The following ACTN4 variants were observed in gnomAD, a reference collection of about 807,000 sequenced individuals.
ACTN4 encodes alpha-actinin-4.
ACTN4 carries 18 observed loss-of-function variants against 114.2 expected under a neutral mutation model. The observed-to-expected ratio is 0.16, with a 90% CI of 0.11 to 0.23. The LOEUF (loss-of-function observed/expected upper bound fraction) is 0.23, where lower values mean the gene tolerates loss of function less well. ACTN4 is among the 10% of genes least tolerant of loss of function. The pLI is 1.00. For synonymous variants in ACTN4, 515 were observed against 506.3 expected (o/e 1.02, Z -0.23); for missense variants, 722 against 1,262.9 (o/e 0.57, Z 6.49).
rs997994655 is a variant in ACTN4, at chr19:38,731,386, T to G, written c.*1954T>G. The G allele has an allele frequency of 3.2e-6, 2 of 632,416 alleles. No individual in the cohort carries two copies. Among genetic ancestry groups the G allele is most frequent in the Non-Finnish European group, 5.7e-6 (2 of 348,670 alleles). 39.2% of individuals were successfully genotyped at this position (632,416 alleles called of 1,614,324 possible). A position where few individuals can be genotyped will look rare whatever the true frequency, so the allele number is the denominator to read the frequency against. On this transcript the variant is annotated 3_prime_UTR_variant, in exon 21 of 21. Coordinates refer to ENST00000252699, the MANE Select transcript of ACTN4 (RefSeq NM_004924.6). ...GTACAGGCTGATCCCTTCAATCCTC[T>G]GGGCCTGTTTCCTCATCCATCAAAC...
intron 1 of ACTN4, among the ~76,000 whole-genome samples, chr19:38,668,064 A>G (rs1169349193): frequency 2.6e-5 from 4 of 152,174 alleles, no homozygotes; most frequent in African/African-American, 9.7e-5. Context: ...ACCCTGGGTG[A>G]TTACTCAGAT....
intron 1 of ACTN4, among the ~76,000 whole-genome samples, chr19:38,678,296 C>T (rs547214155): frequency 1.3e-5 from 2 of 152,108 alleles, no homozygotes; most frequent in East Asian, 3.9e-4. Context: ...AAATTGCTAC[C>T]TGCAGGTAAA....
At chr19:38,673,551 A>ATATATT (rs1967229087) in intron 1 of ACTN4, among the ~76,000 whole-genome samples, 1 of 100,818 alleles carries the variant, frequency 9.9e-6, no homozygotes. Flanking sequence ...ATATATTTAT[A>ATATATT]TATACTTATA....
intron 1 of ACTN4, among the ~76,000 whole-genome samples, chr19:38,652,096 G>A (rs1318515642): frequency 2.0e-5 from 3 of 151,966 alleles, no homozygotes; most frequent in Non-Finnish European, 2.9e-5. Context: ...CCCCAAAGTA[G>A]CCATCTGTTA....
intron 6 of ACTN4, 86 bp downstream of exon 6, chr19:38,708,281 A>C: frequency 6.9e-7 from 1 of 1,442,314 alleles, no homozygotes; most frequent in Non-Finnish European, 9.7e-7. Context: ...ATGCCCTTCC[A>C]TCGCCAGCCT....
chr19:38,724,689 C>T lies in ACTN4; in HGVS notation c.2010+124C>T, dbSNP rs186127445. ...CTGGCAGAGCAGGTCCCAATTCTCA[C>T]CACCCAGGGGCCGTGATCACCCTGC... is the stretch of plus-strand genomic sequence containing the variant. On this transcript the variant is annotated intron_variant, in intron 16 of 20. Transcript: ENST00000252699. This position sits in a 1 kb window ranked among gnomAD's most constrained non-coding sequence, Gnocchi z 7.0. 2,382 of 1,500,526 alleles carry T rather than the reference C, an allele frequency of 1.6e-3. 6 individuals carry two copies. The highest frequency in any genetic ancestry group is 1.6e-3 in the Non-Finnish European group (1,764 of 1,097,644). 93.0% of individuals were successfully genotyped at this position (1,500,526 alleles called of 1,614,324 possible).
intron 4 of ACTN4, 43 bp downstream of exon 4, chr19:38,705,063 G>A: frequency 6.4e-7 from 1 of 1,573,598 alleles, no homozygotes; most frequent in African/African-American, 1.3e-5. Context: ...CCTGAGTCAG[G>A]GCGGGTTAGA....
At chr19:38,649,372 G>A in intron 1 of ACTN4, among the ~76,000 whole-genome samples, 1 of 151,494 alleles carries the variant, frequency 6.6e-6, no homozygotes. Context: ...GTGGGGGGAA[G>A]GGGTTGTTCA....
intron 1 of ACTN4, among the ~76,000 whole-genome samples, chr19:38,663,784 C>G (rs1976964906): frequency 6.6e-6 from 1 of 152,196 alleles, no homozygotes; most frequent in South Asian, 2.1e-4. Context: ...ATAGCCAGAC[C>G]TGTCGTTCTG....
chr19:38,678,985 A>G (rs758269123), intron 1 of ACTN4, among the ~76,000 whole-genome samples: 6 of 152,196 alleles, frequency 3.9e-5, no homozygotes, highest in Non-Finnish European at 7.3e-5. Context: ...ATAATGAGAG[A>G]AGGAAAACAC....
At chr19:38,652,745 A>G (rs1026767403) in intron 1 of ACTN4, among the ~76,000 whole-genome samples, 1 of 152,192 alleles carries the variant, frequency 6.6e-6, no homozygotes, top group African/African-American at 2.4e-5. Context: ...ATATCCAAGT[A>G]GTGCTGGTGC....
intron 1 of ACTN4, among the ~76,000 whole-genome samples, chr19:38,669,126 A>C (rs1045874279): frequency 2.0e-5 from 3 of 152,126 alleles, no homozygotes; most frequent in Non-Finnish European, 4.4e-5. Flanking sequence ...AGCTGGGATT[A>C]CAGACGCCTG....
In ACTN4 at chr19:38,730,998, C is replaced by G; in HGVS notation, c.*1566C>G. On this transcript the variant is annotated 3_prime_UTR_variant, in exon 21 of 21. Coordinates refer to ENST00000252699, the MANE Select transcript of ACTN4 (RefSeq NM_004924.6). ...GGGTCAGGCAGATGACCCCCTCACCCCCATCCAGGTGCTGGCTGCAGTGGC... is the reference window on the plus strand; with the variant it reads ...GGGTCAGGCAGATGACCCCCTCACCGCCATCCAGGTGCTGGCTGCAGTGGC... The G allele has an allele frequency of 1.3e-6, 2 of 1,551,960 alleles. No individual in the cohort carries two copies. The highest frequency in any genetic ancestry group is 2.4e-5 in the East Asian group (1 of 41,006).
chr19:38,682,536 C>T (rs2144926989), intron 1 of ACTN4, among the ~76,000 whole-genome samples: 1 of 152,306 alleles, frequency 6.6e-6, no homozygotes, highest in East Asian at 1.9e-4. Flanking sequence ...GCTCTGCCTT[C>T]AGAATCTACC....
At chr19:38,654,231 T>A (rs780770691) in intron 1 of ACTN4, among the ~76,000 whole-genome samples, 10 of 152,068 alleles carry the variant, frequency 6.6e-5, no homozygotes, top group Non-Finnish European at 1.0e-4. Context: ...AGGGGAGAAA[T>A]TAACCACCTG....
chr19:38,728,064 C>T (rs2145108942), intron 19 of ACTN4, 38 bp downstream of exon 19: 1 of 1,572,280 alleles, frequency 6.4e-7, no homozygotes, highest in Non-Finnish European at 8.7e-7. Flanking sequence ...ATGGCATTAA[C>T]TGCTCTCTCT....
At chr19:38,653,820 A>C (rs904773715) in intron 1 of ACTN4, among the ~76,000 whole-genome samples, 2 of 152,216 alleles carry the variant, frequency 1.3e-5, no homozygotes, top group African/African-American at 4.8e-5. Flanking sequence ...GCAAGTGGGT[A>C]ATTCAATGGC....
chr19:38,660,817 A>C (rs566928521), intron 1 of ACTN4, among the ~76,000 whole-genome samples: 10 of 152,158 alleles, frequency 6.6e-5, no homozygotes, highest in Non-Finnish European at 1.0e-4. Context: ...GTAGAAGTTG[A>C]GGCTTTCAAG....
intron 1 of ACTN4, among the ~76,000 whole-genome samples, chr19:38,649,670 C>T (rs1976500156): frequency 6.6e-6 from 1 of 151,930 alleles, no homozygotes; most frequent in Admixed American, 6.6e-5. Flanking sequence ...GAACAGGCTA[C>T]AGGGCTTTGA....
Sources: allele counts gnomAD v4.1 joint callset (sites outside exome capture counted in the v4.1 genomes callset), GRCh38; gene constraint gnomAD v4.1.1; non-coding constraint Gnocchi (gnomAD v3.1); transcripts MANE v1.5; gene names NCBI Gene and HGNC (gene_info 2026-07-23, HGNC 2026-07-21).